CTIF: variants seen among roughly 807,000 people sequenced by gnomAD.
The protein encoded by CTIF is CBP80/20-dependent translation initiation factor.
In CTIF, 21 loss-of-function variants were observed where a neutral mutation model predicts 66.0. The ratio of observed to expected loss-of-function variants is 0.32; its 90% CI spans 0.23 to 0.46. The LOEUF (loss-of-function observed/expected upper bound fraction) is 0.46. Ranked by LOEUF, CTIF falls within the 20% of genes least tolerant of loss-of-function variation. The pLI is 1.00. For missense variants in CTIF, 739 were observed against 812.7 expected (o/e 0.91, Z 1.10); for synonymous variants, 345 against 326.4 (o/e 1.06, Z -0.62).
intron 9 of CTIF, among the ~76,000 whole-genome samples, chr18:48,775,091 TAACTC>T (rs1450481047): frequency 1.3e-5 from 2 of 152,136 alleles, no homozygotes; most frequent in African/African-American, 2.4e-5. Flanking sequence ...GCATAAGAAA[TAACTC>T]AAGCGGCCAA....
intron 5 of CTIF, among the ~76,000 whole-genome samples, chr18:48,665,737 T>C (rs995984378): frequency 6.6e-6 from 1 of 152,262 alleles, no homozygotes; most frequent in Non-Finnish European, 1.5e-5. Flanking sequence ...ATGTGACCTC[T>C]TGGGCCTGGC....
chr18:48,698,346 T>A (rs554673937), intron 6 of CTIF, among the ~76,000 whole-genome samples: 5 of 151,990 alleles, frequency 3.3e-5, no homozygotes, highest in East Asian at 3.9e-4. Flanking sequence ...GCAGCTGGCA[T>A]GGGACTCGCT....
chr18:48,608,395 A>G (rs937704649), intron 1 of CTIF, among the ~76,000 whole-genome samples: 1 of 149,900 alleles, frequency 6.7e-6, no homozygotes, highest in Non-Finnish European at 1.5e-5. Flanking sequence ...AGAACACACC[A>G]TGGTCCAGAC....
chr18:48,601,927 T>C (rs1463958129), intron 1 of CTIF, among the ~76,000 whole-genome samples: 4 of 152,230 alleles, frequency 2.6e-5, no homozygotes, highest in African/African-American at 4.8e-5. Context: ...TGTGGGTATG[T>C]TTCCTCACCT....
At chr18:48,541,204 C>T (rs1390092740) in intron 1 of CTIF, among the ~76,000 whole-genome samples, 1 of 152,108 alleles carries the variant, frequency 6.6e-6, no homozygotes, top group Non-Finnish European at 1.5e-5. Context: ...ACAGTGGGAG[C>T]CCAAGCCCAG....
intron 2 of CTIF, among the ~76,000 whole-genome samples, chr18:48,628,693 G>A (rs1178503029): frequency 6.6e-6 from 1 of 152,134 alleles, no homozygotes; most frequent in African/African-American, 2.4e-5. Flanking sequence ...GTAAGTGGCG[G>A]AGCTGAGATC....
chr18:48,807,729 G>A (rs2068179580), intron 9 of CTIF, among the ~76,000 whole-genome samples: 1 of 151,972 alleles, frequency 6.6e-6, no homozygotes, highest in Non-Finnish European at 1.5e-5. Context: ...ATAGGTATGT[G>A]CTGCTATGCC....
chr18:48,651,883 A>T (rs2091161483), intron 3 of CTIF, among the ~76,000 whole-genome samples: 1 of 152,242 alleles, frequency 6.6e-6, no homozygotes, highest in Admixed American at 6.5e-5. Context: ...AAATAACAAA[A>T]TGAAGGCAGA....
chr18:48,786,353 C>T (rs904521579), intron 9 of CTIF, among the ~76,000 whole-genome samples: 3 of 152,172 alleles, frequency 2.0e-5, no homozygotes, highest in African/African-American at 4.8e-5. Flanking sequence ...CTAAGCCCAG[C>T]GGTGGGCACT....
At chr18:48,838,549 A>T (rs1391204699) in intron 10 of CTIF, among the ~76,000 whole-genome samples, 1 of 152,158 alleles carries the variant, frequency 6.6e-6, no homozygotes, top group Non-Finnish European at 1.5e-5. Flanking sequence ...AGCACAACAC[A>T]GACAGCATGT....
At chr18:48,542,804 T>C (rs1346980868) in intron 1 of CTIF, among the ~76,000 whole-genome samples, 1 of 152,236 alleles carries the variant, frequency 6.6e-6, no homozygotes, top group Non-Finnish European at 1.5e-5. Context: ...CTTGTTACCC[T>C]GAACTTCAGG....
intron 9 of CTIF, among the ~76,000 whole-genome samples, chr18:48,796,816 G>A (rs184740328): frequency 9.2e-5 from 14 of 152,222 alleles, no homozygotes; most frequent in South Asian, 2.1e-4. Context: ...CTGAAATCGC[G>A]TGGGTAGCTG....
chr18:48,848,479 C>G (rs1376658105), intron 10 of CTIF, among the ~76,000 whole-genome samples: 6 of 152,220 alleles, frequency 3.9e-5, no homozygotes, highest in Non-Finnish European at 7.3e-5. Context: ...GGTTTGCTCT[C>G]CCACAGTAGA....
intron 9 of CTIF, among the ~76,000 whole-genome samples, chr18:48,776,206 T>C (rs1337726000): frequency 6.6e-6 from 1 of 152,200 alleles, no homozygotes; most frequent in East Asian, 1.9e-4. Context: ...CTGGTGAGGT[T>C]ACTGCCTTGT....
chr18:48,692,283 G>C (rs557093829), intron 6 of CTIF, among the ~76,000 whole-genome samples: 1 of 151,546 alleles, frequency 6.6e-6, no homozygotes, highest in South Asian at 2.1e-4. Flanking sequence ...GGCCACTCTG[G>C]GTGTTCATGG....
intron 6 of CTIF, among the ~76,000 whole-genome samples, chr18:48,692,316 AACAAAAC>A (rs1390834783): frequency 0.024 from 2,961 of 123,390 alleles, 31 homozygotes; most frequent in Middle Eastern, 0.048. Context: ...CAAAAACAAA[AACAAAAC>A]AAAAAACAAA....
chr18:48,725,104 G>A (rs1360006981), intron 7 of CTIF, among the ~76,000 whole-genome samples: 1 of 152,204 alleles, frequency 6.6e-6, no homozygotes, highest in East Asian at 1.9e-4. Flanking sequence ...GGTCTGTGTG[G>A]CCACAGCAAA....
At chr18:48,561,996 A>G (rs1366924607) in intron 1 of CTIF, among the ~76,000 whole-genome samples, 1 of 152,252 alleles carries the variant, frequency 6.6e-6, no homozygotes, top group Non-Finnish European at 1.5e-5. Context: ...TGGTTACAAA[A>G]AAAAGAACAT....
Position 48,761,727 on chromosome 18 carries a change from G to C in CTIF, c.1371+38G>C. ...CGGCCACCACCGCCCCGCGCCCCCT[G>C]CCCCTCTGCGTTCGGTGAGTTATTC... On this transcript the variant is annotated intron_variant, in intron 9 of 11. Transcript: ENST00000256413. The surrounding 1 kb of genome is among the most constrained non-coding windows in gnomAD (Gnocchi z 4.2). The C allele has an allele frequency of 6.3e-7, 1 of 1,575,200 alleles. No homozygotes were observed. Among genetic ancestry groups the C allele is most frequent in the Non-Finnish European group, 8.7e-7 (1 of 1,155,166 alleles).
Sources: allele counts gnomAD v4.1 joint callset (sites outside exome capture counted in the v4.1 genomes callset), GRCh38; gene constraint gnomAD v4.1.1; non-coding constraint Gnocchi (gnomAD v3.1); transcripts MANE v1.5; gene names NCBI Gene and HGNC (gene_info 2026-07-23, HGNC 2026-07-21).